CCDC150: variants seen among roughly 807,000 people sequenced by gnomAD.
CCDC150 encodes the protein coiled-coil domain containing 150.
A neutral mutation model predicts 156.5 loss-of-function variants in CCDC150; 151 were observed. The observed-to-expected ratio is 0.97, with a 90% CI of 0.85 to 1.10. The LOEUF (loss-of-function observed/expected upper bound fraction) is 1.10. CCDC150 is among the 50% of genes least tolerant of loss of function. CCDC150 has a pLI of 0.00. For synonymous variants in CCDC150, 452 were observed against 429.4 expected (o/e 1.05, Z -0.65); for missense variants, 1,312 against 1,268.1 (o/e 1.03, Z -0.53).
intron 2 of CCDC150, among the ~76,000 whole-genome samples, chr2:196,654,364 C>T (rs1296816544): frequency 1.3e-5 from 2 of 151,724 alleles, no homozygotes; most frequent in South Asian, 4.2e-4. Context: ...TTTCTTTCTG[C>T]AATTTTGATG....
intron 13 of CCDC150, among the ~76,000 whole-genome samples, chr2:196,678,694 G>A (rs1333389265): frequency 6.6e-6 from 1 of 152,134 alleles, no homozygotes; most frequent in African/African-American, 2.4e-5. Flanking sequence ...CTTGAGGCCA[G>A]GAGTTTGAGA....
In CCDC150 at chr2:196,730,083, C is replaced by T. The variant is rs374003366; in HGVS notation, c.2947C>T (p.Arg983Trp). 2.0e-5 allele frequency: 33 copies of T among 1,611,234 alleles called. No homozygotes were observed. The Admixed American group carries it at 2.2e-4, about 11-fold the overall frequency. The part of the protein sequence containing the change: ...KQQELHLEAE[R>W]KIRQELENRC... ...GCAAGAGCTGCACCTAGAAGCAGAG[C>T]GGAAAATAAGGCAGGAGCTAGAGAA... The change falls in exon 25 of 28, where the codon CGG (arginine) becomes TGG (tryptophan). Residue 983 changes from arginine to tryptophan, a missense_variant. By Grantham distance (101) the Arg-to-Trp change is moderately radical. Coordinates refer to ENST00000389175, the MANE Select transcript of CCDC150 (RefSeq NM_001080539.2).
chr2:196,641,696 C>T (rs1692242054), intron 1 of CCDC150, among the ~76,000 whole-genome samples: 2 of 152,016 alleles, frequency 1.3e-5, no homozygotes, highest in African/African-American at 4.8e-5. Flanking sequence ...GCCTCATTGC[C>T]TATAACAGTG....
intron 13 of CCDC150, among the ~76,000 whole-genome samples, chr2:196,681,829 C>G (rs1483295610): frequency 6.6e-6 from 1 of 151,996 alleles, no homozygotes; most frequent in Non-Finnish European, 1.5e-5. Context: ...TAATTATCAA[C>G]TTGTATGAGT....
At chr2:196,692,133 T>A (rs1370464684) in intron 13 of CCDC150, among the ~76,000 whole-genome samples, 1 of 138,218 alleles carries the variant, frequency 7.2e-6, no homozygotes, top group East Asian at 2.1e-4. Context: ...TTTTTTTTTT[T>A]TTTTTTTTTT....
intron 21 of CCDC150, among the ~76,000 whole-genome samples, chr2:196,725,150 G>A (rs1167811841): frequency 6.6e-6 from 1 of 152,186 alleles, no homozygotes; most frequent in Admixed American, 6.6e-5. Context: ...GTCAGGAGGA[G>A]AGAGAGGGAA....
rs2125708364 is a variant in CCDC150 at position 196,721,545 on chromosome 2, A to G, written c.2283A>G (p.Leu761=). ...NSEIESLQKA[L]GVAREDNRKL... is the part of the protein sequence containing the mutation. ...AGATTGAATCTCTACAAAAAGCTCT[A>G]GGTGTAGCTAGAGAAGACAACAGGA... Residue 761 remains leucine (L), a synonymous_variant, in exon 21 of 28, where the codon CTA becomes CTG. Transcript: ENST00000389175. 1 of 1,604,568 alleles carries G rather than the reference A, an allele frequency of 6.2e-7. No homozygotes were observed. Among genetic ancestry groups the G allele is most frequent in the East Asian group, 2.2e-5 (1 of 44,708 alleles).
At chr2:196,684,389 T>G (rs1454781431) in intron 13 of CCDC150, among the ~76,000 whole-genome samples, 1 of 152,172 alleles carries the variant, frequency 6.6e-6, no homozygotes, top group Non-Finnish European at 1.5e-5. Context: ...TTTCTAATTT[T>G]ATTCCATTGT....
chr2:196,677,160 C>T (rs1158108526), intron 12 of CCDC150, 133 bp from the exon 13 acceptor site: 6 of 729,338 alleles, frequency 8.2e-6, no homozygotes, highest in Non-Finnish European at 1.5e-5. Flanking sequence ...CCTGATTGGC[C>T]CCTTTTCTGA....
chr2:196,730,993 A>G (rs1051812967), intron 26 of CCDC150, 48 bp downstream of exon 26: 10 of 1,439,592 alleles, frequency 6.9e-6, no homozygotes, highest in Non-Finnish European at 9.5e-6. Flanking sequence ...CCTTCAACAC[A>G]GCAACCCTGA....
intron 14 of CCDC150, among the ~76,000 whole-genome samples, chr2:196,700,105 T>C (rs1696110187): frequency 6.6e-6 from 1 of 152,206 alleles, no homozygotes; most frequent in South Asian, 2.1e-4. Flanking sequence ...TTAAAATGCC[T>C]AAAAGGCACT....
intron 13 of CCDC150, among the ~76,000 whole-genome samples, chr2:196,693,251 G>A (rs140997726): frequency 5.9e-5 from 9 of 152,212 alleles, no homozygotes; most frequent in East Asian, 1.9e-4. Context: ...TATGTGGTCC[G>A]TCATTGACTG....
intron 6 of CCDC150, among the ~76,000 whole-genome samples, chr2:196,666,230 ATACTT>A (rs1353938627): frequency 1.3e-5 from 2 of 152,236 alleles, no homozygotes; most frequent in African/African-American, 4.8e-5. Context: ...ATAATTTAGA[ATACTT>A]TAAATTCTAA....
rs1693057350 is a variant in CCDC150 at position 196,654,299 on chromosome 2, A to G, written c.177-2334A>G. On this transcript the variant is annotated intron_variant, in intron 2 of 27. Transcript: ENST00000389175. ...TTCTATGTCCTTCCCCAGGCTTGGGAAGTTTTTTTTTTATTATTATTATTT... is the reference window on the plus strand; with the variant it reads ...TTCTATGTCCTTCCCCAGGCTTGGGGAGTTTTTTTTTTATTATTATTATTT... Among the ~76,000 whole-genome samples the G allele has an allele frequency of 2.0e-5, 3 of 151,894 alleles. No individual in the cohort carries two copies. In the South Asian group the frequency reaches 6.3e-4, roughly 32 times the overall value.
At chr2:196,689,781 T>C (rs1695338897) in intron 13 of CCDC150, among the ~76,000 whole-genome samples, 2 of 152,154 alleles carry the variant, frequency 1.3e-5, no homozygotes, top group Non-Finnish European at 1.5e-5. Flanking sequence ...TCCAACACTA[T>C]GTTGAATAGG....
intron 2 of CCDC150, 68 bp downstream of exon 2, chr2:196,646,572 G>A: frequency 8.3e-7 from 1 of 1,204,662 alleles, no homozygotes; most frequent in Non-Finnish European, 1.2e-6. Flanking sequence ...AGTCACAGTA[G>A]TTTGGCAGAT....
chr2:196,712,161 TAGA>T lies in CCDC150; in HGVS notation c.1717_1719del (p.Glu573del), dbSNP rs1697170896. 1.9e-6 allele frequency: 3 copies of T among 1,555,468 alleles called. No homozygotes were observed. The highest frequency in any genetic ancestry group is 1.4e-5 in the African/African-American group (1 of 73,600). On this transcript the variant is annotated inframe_deletion, in exon 16 of 28. Coordinates refer to ENST00000389175, the MANE Select transcript of CCDC150 (RefSeq NM_001080539.2). The stretch of plus-strand genomic sequence containing the variant: ...TTCCTCTAGATAAAAGTTAAACAGC[TAGA>T]AGAACAAGTACAGTCTTTTACTGAC...
At chr2:196,676,019 T>G in intron 10 of CCDC150, 124 bp from the exon 11 acceptor site, 7 of 842,324 alleles carry the variant, frequency 8.3e-6, no homozygotes, top group Non-Finnish European at 1.3e-5. Context: ...AAAAGAGGTT[T>G]TATTTATGTA....
At position 196,695,139 on chromosome 2, in the gene CCDC150, G is replaced by T; in HGVS notation, c.1603G>T (p.Val535Phe). Residue 535 changes from valine (V) to phenylalanine (F), a missense_variant, in exon 14 of 28, where the codon GTC (valine) becomes TTC (phenylalanine). Physicochemically the swap from Val to Phe is conservative, Grantham distance 50. Coordinates refer to ENST00000389175, the MANE Select transcript of CCDC150 (RefSeq NM_001080539.2). ...DQMASLELQQ[V>F]TSDYHGLAQQ... The stretch of plus-strand genomic sequence containing the variant: ...AATGGCTTCCCTAGAACTTCAGCAA[G>T]TCACTTCTGATTACCATGGGGTGGG... 1.2e-6 allele frequency: 2 copies of T among 1,603,240 alleles called. No homozygotes were observed.
Sources: allele counts gnomAD v4.1 joint callset (sites outside exome capture counted in the v4.1 genomes callset), GRCh38; gene constraint gnomAD v4.1.1; transcripts MANE v1.5; gene names NCBI Gene and HGNC (gene_info 2026-07-23, HGNC 2026-07-21).